Variants in CLSTN2 observed in about 807,000 individuals in gnomAD.
The protein encoded by CLSTN2 is calsyntenin 2.
A neutral mutation model predicts 101.2 loss-of-function variants in CLSTN2; 48 were observed. The ratio of observed to expected loss-of-function variants is 0.47; its 90% CI spans 0.38 to 0.60. The LOEUF is 0.60. CLSTN2 is among the 20% of genes least tolerant of loss of function. The probability of loss-of-function intolerance (pLI) is 0.00; values close to 1 mark genes in which losing one functional copy is unlikely to be tolerated. For missense variants in CLSTN2, 1,160 were observed against 1,238.2 expected (o/e 0.94, Z 0.95); for synonymous variants, 481 against 463.6 (o/e 1.04, Z -0.48).
chr3:139,976,839 T>G (rs1209581940), intron 1 of CLSTN2, among the ~76,000 whole-genome samples: 1 of 152,180 alleles, frequency 6.6e-6, no homozygotes, highest in Admixed American at 6.5e-5. Flanking sequence ...TGTGTGTGCA[T>G]GCATGTGCAC....
At chr3:140,220,837 T>C (rs954834666) in intron 2 of CLSTN2, among the ~76,000 whole-genome samples, 1 of 152,198 alleles carries the variant, frequency 6.6e-6, no homozygotes, top group Admixed American at 6.5e-5. Context: ...GTGAAACTCA[T>C]AGATGCCTCT....
At chr3:140,426,223 A>G (rs775489074) in intron 5 of CLSTN2, among the ~76,000 whole-genome samples, 10 of 152,182 alleles carry the variant, frequency 6.6e-5, no homozygotes, top group Non-Finnish European at 1.5e-4. Flanking sequence ...CTATCAACCC[A>G]TCACCTAGAT....
At chr3:140,000,638 G>T (rs1049065302) in intron 1 of CLSTN2, among the ~76,000 whole-genome samples, 1 of 152,182 alleles carries the variant, frequency 6.6e-6, no homozygotes. Flanking sequence ...CATTTCTGTG[G>T]TCACTATTGG....
At chr3:140,490,118 ACACACACACACAC>A (rs1934323843) in intron 8 of CLSTN2, among the ~76,000 whole-genome samples, 5 of 7,930 alleles carry the variant, frequency 6.3e-4, no homozygotes, top group Non-Finnish European at 1.5e-3. Context: ...ATATATATAT[ACACACACACACAC>A]ACACACACAC....
At chr3:140,531,415 A>C (rs76721313) in intron 8 of CLSTN2, among the ~76,000 whole-genome samples, 6,376 of 152,230 alleles carry the variant, frequency 0.042, 440 homozygotes, top group African/African-American at 0.14. Flanking sequence ...ATATTTAATC[A>C]AGCATGGAAT....
intron 2 of CLSTN2, among the ~76,000 whole-genome samples, chr3:140,380,880 A>G (rs1215138832): frequency 1.3e-5 from 2 of 152,184 alleles, no homozygotes; most frequent in Admixed American, 6.5e-5. Flanking sequence ...TTGAAGGGCA[A>G]TTGAAGAAGT....
chr3:140,224,392 T>C (rs2086301218), intron 2 of CLSTN2, among the ~76,000 whole-genome samples: 2 of 152,212 alleles, frequency 1.3e-5, no homozygotes, highest in South Asian at 2.1e-4. Context: ...TATTTTTTAG[T>C]CATTTAGCTA....
intron 1 of CLSTN2, among the ~76,000 whole-genome samples, chr3:139,947,718 C>G (rs1179129681): frequency 6.6e-6 from 1 of 152,104 alleles, no homozygotes. Flanking sequence ...CTTTATTGTG[C>G]TATCATCAGA....
At chr3:140,297,949 C>T (rs1195405167) in intron 2 of CLSTN2, among the ~76,000 whole-genome samples, 2 of 152,184 alleles carry the variant, frequency 1.3e-5, no homozygotes, top group East Asian at 3.8e-4. Context: ...GTAACCCCAA[C>T]ATAAGTTGAA....
chr3:140,249,074 A>C (rs2107874039), intron 2 of CLSTN2, among the ~76,000 whole-genome samples: 1 of 152,164 alleles, frequency 6.6e-6, no homozygotes, highest in Middle Eastern at 3.4e-3. Flanking sequence ...CACAGTTCCT[A>C]TTCCTTCCCT....
chr3:140,181,762 T>A (rs565052584), intron 2 of CLSTN2, among the ~76,000 whole-genome samples: 1 of 152,120 alleles, frequency 6.6e-6, no homozygotes, highest in African/African-American at 2.4e-5. Context: ...GGGGAACAGG[T>A]AGGTCAGCTA....
intron 2 of CLSTN2, among the ~76,000 whole-genome samples, chr3:140,223,103 GAGATAATGTTGATTA>G (rs2086289415): frequency 6.6e-6 from 1 of 152,174 alleles, no homozygotes; most frequent in African/African-American, 2.4e-5. Flanking sequence ...ATACTGAATT[GAGATAATGTTGATTA>G]AGAAATGTCT....
At chr3:140,136,918 G>A (rs1355475598) in intron 1 of CLSTN2, among the ~76,000 whole-genome samples, 1 of 152,204 alleles carries the variant, frequency 6.6e-6, no homozygotes, top group African/African-American at 2.4e-5. Context: ...TCACTGAAGA[G>A]ATGGCTGAAG....
At chr3:140,121,130 A>G (rs2009333323) in intron 1 of CLSTN2, among the ~76,000 whole-genome samples, 1 of 152,186 alleles carries the variant, frequency 6.6e-6, no homozygotes, top group Admixed American at 6.5e-5. Context: ...AGCTAGAAAC[A>G]GTGAGATATT....
chr3:140,556,052 G>C (rs1464505675), intron 10 of CLSTN2, among the ~76,000 whole-genome samples: 5 of 152,230 alleles, frequency 3.3e-5, no homozygotes, highest in Non-Finnish European at 7.3e-5. Flanking sequence ...TTGAAGGTTG[G>C]AAGCTAAGAA....
chr3:140,346,481 A>G (rs1048645868), intron 2 of CLSTN2, among the ~76,000 whole-genome samples: 1 of 151,656 alleles, frequency 6.6e-6, no homozygotes, highest in Non-Finnish European at 1.5e-5. Flanking sequence ...CTGACTTCCC[A>G]TGTTTCCAGA....
chr3:140,148,828 C>G lies in CLSTN2; in HGVS notation c.110-27123C>G, dbSNP rs116075002. Among the ~76,000 whole-genome samples, 374 of 152,242 alleles carry G rather than the reference C, an allele frequency of 2.5e-3. 2 individuals are homozygous for G. The highest frequency in any genetic ancestry group is 0.01 in the Middle Eastern group (3 of 294). ...GGATGAGGAGTCCCTGAGCAGGAAGCTGAGACTATTGCAAAACTTGGGACT... is the reference window on the plus strand; with the variant it reads ...GGATGAGGAGTCCCTGAGCAGGAAGGTGAGACTATTGCAAAACTTGGGACT... On this transcript the variant is annotated intron_variant, in intron 1 of 16. Transcript: ENST00000458420.
At chr3:139,984,876 C>T (rs1935995675) in intron 1 of CLSTN2, among the ~76,000 whole-genome samples, 1 of 152,316 alleles carries the variant, frequency 6.6e-6, no homozygotes, top group Non-Finnish European at 1.5e-5. Context: ...CAGAATGCTT[C>T]TTCCCCTACT....
intron 1 of CLSTN2, among the ~76,000 whole-genome samples, chr3:140,102,327 T>C (rs2107790578): frequency 6.6e-6 from 1 of 152,324 alleles, no homozygotes; most frequent in Middle Eastern, 3.4e-3. Flanking sequence ...ATGGACAATC[T>C]AGAACCAACA....
Sources: gnomAD v4.1 joint callset for allele counts (sites outside exome capture counted in the v4.1 genomes callset) on GRCh38, gnomAD v4.1.1 for gene constraint, MANE v1.5 for transcripts, NCBI Gene and HGNC (gene_info 2026-07-23, HGNC 2026-07-21) for gene names.